Variants in PRSS23 observed in about 807,000 individuals in gnomAD.
PRSS23 encodes serine protease 23.
In PRSS23, 25 loss-of-function variants were observed where a neutral mutation model predicts 34.7. The observed-to-expected ratio is 0.72, with a 90% confidence interval of 0.53 to 1.01. The LOEUF (loss-of-function observed/expected upper bound fraction) is 1.01. Among genes scored for constraint, PRSS23 ranks in the 50% least tolerant of loss-of-function variants. The pLI is 0.00. For synonymous variants in PRSS23, 176 were observed against 186.6 expected, an observed-to-expected ratio of 0.94 and a Z score of 0.46; for missense variants, 445 against 475.6, an observed-to-expected ratio of 0.94 and a Z score of 0.60.
intron 2 of PRSS23, among the ~76,000 whole-genome samples, chr11:86,833,823 C>T (rs149663985): frequency 0.012 from 1,783 of 152,272 alleles, 13 homozygotes; most frequent in Admixed American, 0.025. Flanking sequence ...CCCCTCTCAA[C>T]AGGAAAACCC....
intron 1 of PRSS23, among the ~76,000 whole-genome samples, chr11:86,805,304 C>T (rs1948087293): frequency 6.6e-6 from 1 of 152,100 alleles, no homozygotes. Flanking sequence ...CCACAGATCT[C>T]CTAAAGGGTT....
intron 2 of PRSS23, among the ~76,000 whole-genome samples, chr11:86,834,194 C>G (rs941524122): frequency 6.6e-6 from 1 of 152,178 alleles, no homozygotes; most frequent in African/African-American, 2.4e-5. Context: ...GAGGCCTGGT[C>G]CAGTAAATAA....
At position 86,870,236 on chromosome 11, in the gene PRSS23, AT is replaced by A. The variant is rs34828230; in HGVS notation, c.206+46655del. Among the ~76,000 whole-genome samples the A allele has an allele frequency of 3.9e-3, 546 of 141,732 alleles. 1 individual carries two copies. Among genetic ancestry groups the A allele is most frequent in the African/African-American group, 9.5e-3 (355 of 37,334 alleles). The allele number at this position is 141,732 out of a possible 152,430, so 93.0% of individuals were successfully genotyped here. A position where few individuals can be genotyped will look rare whatever the true frequency, so the allele number is the denominator to read the frequency against. On this transcript the variant is annotated intron_variant, in intron 2 of 2. Transcript: ENST00000533902. ...GTGCCTTGGCGCTACAGAGATGGTGATTTTTTTTTTTTAAGGGAGGGGAAAA... is the reference window on the plus strand; with the variant it reads ...GTGCCTTGGCGCTACAGAGATGGTGATTTTTTTTTTTAAGGGAGGGGAAAA...
chr11:86,951,482 G>C, exon 3 of PRSS23: 1 of 1,614,008 alleles, frequency 6.2e-7, no homozygotes. Context: ...GTCTGTCTTT[G>C]TCCCATCCTT....
At chr11:86,850,538 T>C (rs1239891327) in intron 2 of PRSS23, among the ~76,000 whole-genome samples, 2 of 152,184 alleles carry the variant, frequency 1.3e-5, no homozygotes, top group Non-Finnish European at 2.9e-5. Context: ...TGAAGATATA[T>C]GCTTGCTTAA....
At chr11:86,797,021 T>C (rs1947985564), upstream of PRSS23, among the ~76,000 whole-genome samples, 1 of 152,242 alleles carries the variant, frequency 6.6e-6, no homozygotes, top group African/African-American at 2.4e-5. Context: ...ATTGCATACA[T>C]TCCTCGAGCT....
At chr11:86,936,736 A>T (rs1949165614) in intron 2 of PRSS23, 1 of 152,232 alleles carries the variant, frequency 6.6e-6, no homozygotes, top group African/African-American at 2.4e-5. Context: ...CCCTGTCTCT[A>T]CAAAAAATAC....
chr11:86,837,562 A>G (rs552569123), intron 2 of PRSS23: 1 of 152,304 alleles, frequency 6.6e-6, no homozygotes, highest in South Asian at 2.1e-4. Context: ...AGGTCAGGAG[A>G]TCAAGATTAT....
upstream of PRSS23, among the ~76,000 whole-genome samples, chr11:86,798,979 G>A (rs1269827768): frequency 6.6e-6 from 1 of 152,212 alleles, no homozygotes; most frequent in Non-Finnish European, 1.5e-5. Flanking sequence ...ACAGGCGTGA[G>A]CCACTGAGCC....
chr11:86,800,423 T>C, upstream of PRSS23: 2 of 980,174 alleles, frequency 2.0e-6, no homozygotes, highest in East Asian at 1.1e-4. Flanking sequence ...GCACGGTTTA[T>C]GTGCAGTGGG....
At chr11:86,891,200 T>A (rs1948839161) in intron 2 of PRSS23, among the ~76,000 whole-genome samples, 1 of 152,108 alleles carries the variant, frequency 6.6e-6, no homozygotes, top group Non-Finnish European at 1.5e-5. Context: ...AACAGCGAGG[T>A]AATTATCTGA....
At chr11:86,870,294 C>A (rs1948676713) in intron 2 of PRSS23, among the ~76,000 whole-genome samples, 1 of 151,754 alleles carries the variant, frequency 6.6e-6, no homozygotes, top group African/African-American at 2.4e-5. Context: ...AGCTGAAAGT[C>A]TTTTCCAAAT....
chr11:86,894,087 C>G (rs1479650895), intron 2 of PRSS23, among the ~76,000 whole-genome samples: 1 of 152,200 alleles, frequency 6.6e-6, no homozygotes, highest in African/African-American at 2.4e-5. Context: ...AATCTTGGCT[C>G]ACTGCAACCT....
intron 2 of PRSS23, among the ~76,000 whole-genome samples, chr11:86,839,706 G>A (rs1590888357): frequency 2.0e-5 from 3 of 151,952 alleles, no homozygotes; most frequent in South Asian, 4.2e-4. Flanking sequence ...AAAGAGAAAG[G>A]TCAAGCTACC....
intron 2 of PRSS23, among the ~76,000 whole-genome samples, chr11:86,844,810 C>T (rs1948474276): frequency 6.6e-6 from 1 of 152,172 alleles, no homozygotes; most frequent in Non-Finnish European, 1.5e-5. Flanking sequence ...GTATGTTGGG[C>T]TGGGCATGGC....
In PRSS23 at chr11:86,801,682, T is replaced by A. The variant is rs1308475645; in HGVS notation, c.-14+1031T>A. On this transcript the variant is annotated intron_variant, in intron 1 of 1. Transcript: ENST00000280258. Reference sequence around the variant, plus strand: ...AAGTAGTATCAGGATATTTATTGCATGTTGTTTCAAGATCCTACTTGTGCA... The same window carrying A: ...AAGTAGTATCAGGATATTTATTGCAAGTTGTTTCAAGATCCTACTTGTGCA... Among the ~76,000 whole-genome samples, 4 of 152,176 alleles carry A rather than the reference T, an allele frequency of 2.6e-5. No individual in the cohort carries two copies. In the East Asian group the frequency reaches 7.7e-4, roughly 29 times the overall value.
intron 2 of PRSS23, chr11:86,950,490 C>A (rs1472498037): frequency 6.5e-6 from 1 of 154,050 alleles, no homozygotes; most frequent in Non-Finnish European, 1.4e-5. Context: ...CCACTGGATA[C>A]CTTATGTGTG....
intron 2 of PRSS23, among the ~76,000 whole-genome samples, chr11:86,883,004 T>C (rs1948781256): frequency 6.6e-6 from 1 of 152,266 alleles, no homozygotes; most frequent in Non-Finnish European, 1.5e-5. Context: ...GTATCTTCTT[T>C]TAGGAAGTAT....
intron 2 of PRSS23, among the ~76,000 whole-genome samples, chr11:86,895,482 T>A (rs866431398): frequency 0.01 from 1,397 of 139,218 alleles, 32 homozygotes; most frequent in African/African-American, 0.035. Context: ...TTATCCTTTT[T>A]TTTTTTTTTT....
Sources: gnomAD v4.1 joint callset for allele counts (sites outside exome capture counted in the v4.1 genomes callset) on GRCh38, gnomAD v4.1.1 for gene constraint, MANE v1.5 for transcripts, NCBI Gene and HGNC (gene_info 2026-07-23, HGNC 2026-07-21) for gene names.